Variants in SPATA31C1 observed in about 807,000 individuals in gnomAD.
The protein encoded by SPATA31C1 is spermatogenesis-associated protein 31C1.
chr9:87,917,138 G>A lies in SPATA31C1; in HGVS notation n.190-709G>A, dbSNP rs373801865. Among the ~76,000 whole-genome samples the A allele has an allele frequency of 9.8e-4, 133 of 136,110 alleles. 1 individual carries two copies. The highest frequency in any genetic ancestry group is 7.3e-3 in the South Asian group (28 of 3,852). The allele number at this position is 136,110 out of a possible 152,430, so 89.3% of individuals were successfully genotyped here. ...TTCAAAGTGAGATAGAAGGATGGGCGCAGTGGCTCATGCCTGTAATCCCAG... is the reference window on the plus strand; with the variant it reads ...TTCAAAGTGAGATAGAAGGATGGGCACAGTGGCTCATGCCTGTAATCCCAG... On this transcript the variant is annotated intron_variant and non_coding_transcript_variant, in intron 1 of 4. Transcript: ENST00000420021.
chr9:87,922,019 C>T lies in SPATA31C1; in HGVS notation n.2409C>T, dbSNP rs779319350. 4.3e-6 allele frequency: 7 copies of T among 1,613,750 alleles called. No individual in the cohort carries two copies. In the African/African-American group the frequency reaches 6.7e-5, roughly 15 times the overall value. ...CAGACACCTGCGAATCTGGGGCTGG[C>T]TCAAAAGTTGAGGTGGCCACGCTCC... On this transcript the variant is annotated non_coding_transcript_exon_variant, in exon 5 of 5. Coordinates refer to ENST00000420021, the Ensembl canonical transcript of SPATA31C1.
intron 1 of SPATA31C1, among the ~76,000 whole-genome samples, chr9:87,915,608 T>A (rs943969188): frequency 1.0e-4 from 15 of 145,580 alleles, no homozygotes; most frequent in Admixed American, 6.2e-4. Context: ...GCTGATCCTT[T>A]TTTTTTTAAT....
exon 5 of SPATA31C1, chr9:87,921,033 T>A (rs778069133): frequency 1.2e-6 from 2 of 1,611,802 alleles, no homozygotes; most frequent in South Asian, 2.2e-5. Flanking sequence ...TGCTTTTCTA[T>A]CCCCGATGAA....
At chr9:87,916,548 C>T (rs1308581481) in intron 1 of SPATA31C1, among the ~76,000 whole-genome samples, 17 of 149,786 alleles carry the variant, frequency 1.1e-4, no homozygotes, top group South Asian at 2.1e-4. Context: ...AAGTCAACAA[C>T]GACAACAAGA....
At chr9:87,923,326 A>C in exon 5 of SPATA31C1, 1 of 1,602,398 alleles carries the variant, frequency 6.2e-7, no homozygotes, top group Non-Finnish European at 8.5e-7. Flanking sequence ...ATCAGAGATC[A>C]GCAGCCCTTG....
At chr9:87,920,659 A>T in exon 5 of SPATA31C1, 1 of 1,613,480 alleles carries the variant, frequency 6.2e-7, no homozygotes, top group Non-Finnish European at 8.5e-7. Flanking sequence ...ACACCATCTC[A>T]CTGTGACTCA....
chr9:87,920,674 C>T, exon 5 of SPATA31C1: 2 of 1,613,958 alleles, frequency 1.2e-6, no homozygotes, highest in Non-Finnish European at 1.7e-6. Context: ...GACTCAGTGG[C>T]ACTTCCACTG....
chr9:87,921,006 T>C (rs1828846076), exon 5 of SPATA31C1: 3 of 1,612,424 alleles, frequency 1.9e-6, no homozygotes, highest in Middle Eastern at 1.8e-4. Flanking sequence ...TCAATCCTCT[T>C]TCCCAGTCCT....
rs771184199 is a variant in SPATA31C1 at position 87,922,196 on chromosome 9, G to C, written n.2586G>C. 3 of 1,613,132 alleles carry C rather than the reference G, an allele frequency of 1.9e-6. No homozygotes were observed. In the African/African-American group the frequency reaches 4.0e-5, roughly 22 times the overall value. ...CATCTTCAAATGATCATGGGTCCTT[G>C]AAGGCTCCTACAGCTGGACAGGAGG... On this transcript the variant is annotated non_coding_transcript_exon_variant, in exon 5 of 5. Transcript: ENST00000420021.
chr9:87,916,653 T>C (rs200519635), intron 1 of SPATA31C1, among the ~76,000 whole-genome samples: 8,948 of 107,464 alleles, frequency 0.083, 15 homozygotes, highest in Middle Eastern at 0.15. Context: ...AAAAAACTTT[T>C]ATCAGAGGAA....
At chr9:87,919,632 C>G (rs1480394925) in intron 3 of SPATA31C1, among the ~76,000 whole-genome samples, 124 of 80,698 alleles carry the variant, frequency 1.5e-3, no homozygotes, top group Admixed American at 6.9e-3. Context: ...AGCTGTTCAA[C>G]TCTGCTAAGG....
exon 5 of SPATA31C1, chr9:87,921,855 C>A (rs760005952): frequency 1.2e-6 from 2 of 1,611,954 alleles, no homozygotes; most frequent in Admixed American, 1.7e-5. Context: ...GTGTACTCAG[C>A]AGGTGCTGGA....
intron 1 of SPATA31C1, among the ~76,000 whole-genome samples, chr9:87,916,542 C>G (rs1372250090): frequency 2.0e-5 from 3 of 149,818 alleles, no homozygotes; most frequent in African/African-American, 7.3e-5. Context: ...TTTCAAAAGT[C>G]AACAACGACA....
chr9:87,922,839 C>T lies in SPATA31C1; in HGVS notation n.3229C>T. 3.7e-6 allele frequency: 6 copies of T among 1,606,336 alleles called. No individual in the cohort carries two copies. The South Asian group carries it at 4.4e-5, about 12-fold the overall frequency. ...CTTAGAAAAACATGAAGAAATGTTTCAAGGATTGAGGACTCCTCAACTTAC... is the reference window on the plus strand; with the variant it reads ...CTTAGAAAAACATGAAGAAATGTTTTAAGGATTGAGGACTCCTCAACTTAC... On this transcript the variant is annotated non_coding_transcript_exon_variant, in exon 5 of 5. Transcript: ENST00000420021.
chr9:87,914,992 GGGGAGGTCTCTGGTCATGAGAC>G lies in SPATA31C1; in HGVS notation n.189+295_189+316del, dbSNP rs1360134537. On this transcript the variant is annotated intron_variant and non_coding_transcript_variant, in intron 1 of 4. Coordinates refer to ENST00000420021, the Ensembl canonical transcript of SPATA31C1. ...AGCGGCCAGGACCGGTCATGAGACG[GGGGAGGTCTCTGGTCATGAGAC>G]GGGAGGTCTCTGTCCGAGGCCAGGC... Among the ~76,000 whole-genome samples, 58 of 23,158 alleles carry G rather than the reference GGGGAGGTCTCTGGTCATGAGAC, an allele frequency of 2.5e-3. No individual in the cohort carries two copies. The East Asian group carries it at 0.028, about 11-fold the overall frequency. The allele number at this position is 23,158 out of a possible 152,430, so 15.2% of individuals were successfully genotyped here. A position where few individuals can be genotyped will look rare whatever the true frequency, so the allele number is the denominator to read the frequency against.
exon 5 of SPATA31C1, chr9:87,920,873 G>C: frequency 6.2e-7 from 1 of 1,613,424 alleles, no homozygotes. Context: ...ACACCACAAT[G>C]TCCCCACTGC....
exon 5 of SPATA31C1, chr9:87,922,552 C>G: frequency 6.2e-7 from 1 of 1,610,456 alleles, no homozygotes; most frequent in South Asian, 1.1e-5. Flanking sequence ...GTTTCTGCCG[C>G]TGTTGTGCTC....
At chr9:87,919,151 T>C in intron 2 of SPATA31C1, 104 bp from the exon 2 acceptor site, 3 of 1,536,224 alleles carry the variant, frequency 2.0e-6, no homozygotes, top group South Asian at 1.1e-5. Flanking sequence ...CAGAGCTCCC[T>C]GAGCAAGACA....
At chr9:87,920,277 G>C in exon 5 of SPATA31C1, 2 of 1,613,758 alleles carry the variant, frequency 1.2e-6, no homozygotes, top group Non-Finnish European at 1.7e-6. Context: ...CCTTGAAAAA[G>C]GTGACTTTGG....
Sources: allele counts gnomAD v4.1 joint callset (sites outside exome capture counted in the v4.1 genomes callset), GRCh38; gene constraint gnomAD v4.1.1; transcripts MANE v1.5; gene names NCBI Gene and HGNC (gene_info 2026-07-23, HGNC 2026-07-21).